Variants in GRIK4 observed in about 807,000 individuals in gnomAD.
The protein encoded by GRIK4 is glutamate receptor ionotropic, kainate 4.
A neutral mutation model predicts 104.9 loss-of-function variants in GRIK4; 40 were observed. That is an observed-to-expected ratio of 0.38 (90% CI 0.30 to 0.50). GRIK4 has a LOEUF of 0.50. Among genes scored for constraint, GRIK4 ranks in the 20% least tolerant of loss-of-function variants. The pLI is 0.93. For missense variants in GRIK4, 1,047 were observed against 1,308.1 expected, an observed-to-expected ratio of 0.80 and a Z score of 3.08; for synonymous variants, 485 against 524.9, an observed-to-expected ratio of 0.92 and a Z score of 1.04.
intron 11 of GRIK4, among the ~76,000 whole-genome samples, chr11:120,888,165 C>A (rs1417666028): frequency 6.6e-6 from 1 of 152,152 alleles, no homozygotes; most frequent in Non-Finnish European, 1.5e-5. Flanking sequence ...ACGCTTGTGG[C>A]AAATGCCAAT....
chr11:120,824,060 G>A (rs1040379840), intron 6 of GRIK4, among the ~76,000 whole-genome samples: 2 of 152,236 alleles, frequency 1.3e-5, no homozygotes, highest in Non-Finnish European at 2.9e-5. Flanking sequence ...GATACTGTGA[G>A]TAGAATTAGG....
intron 1 of GRIK4, among the ~76,000 whole-genome samples, chr11:120,557,310 C>T (rs7104138): frequency 0.019 from 2,862 of 152,286 alleles, 70 homozygotes; most frequent in African/African-American, 0.065. Flanking sequence ...GCTCTAGGTC[C>T]GCTGCCTTGG....
intron 1 of GRIK4, among the ~76,000 whole-genome samples, chr11:120,566,728 G>T: frequency 7.0e-6 from 1 of 143,352 alleles, no homozygotes. Flanking sequence ...TTTTTGAGAC[G>T]GCGTCTCACT....
intron 9 of GRIK4, among the ~76,000 whole-genome samples, chr11:120,862,652 G>A (rs1021133261): frequency 3.9e-5 from 6 of 152,094 alleles, no homozygotes; most frequent in African/African-American, 1.4e-4. Context: ...CATCCAGAAT[G>A]GCTCCCTTCT....
intron 1 of GRIK4, among the ~76,000 whole-genome samples, chr11:120,646,731 T>A (rs1435558900): frequency 6.6e-6 from 1 of 152,114 alleles, no homozygotes; most frequent in Non-Finnish European, 1.5e-5. Context: ...GTCAGACATA[T>A]CCTAGAACAT....
chr11:120,678,428 A>G lies in GRIK4; in HGVS notation c.82+18028A>G, dbSNP rs1268897963. 3.9e-5 allele frequency among the ~76,000 whole-genome samples: 6 copies of G among 152,288 alleles called. No homozygotes were observed. The South Asian group carries it at 6.2e-4, about 16-fold the overall frequency. ...ATTAGATTCCAAATGATGTTTAACC[A>G]GGAATCATATGGCAGTGATCTTTGA... is the stretch of plus-strand genomic sequence containing the variant. On this transcript the variant is annotated intron_variant, in intron 3 of 20. Coordinates refer to ENST00000527524, the MANE Select transcript of GRIK4 (RefSeq NM_014619.5).
At chr11:120,568,131 T>C (rs540049689) in intron 1 of GRIK4, among the ~76,000 whole-genome samples, 1 of 152,274 alleles carries the variant, frequency 6.6e-6, no homozygotes, top group African/African-American at 2.4e-5. Flanking sequence ...TAAGCTATTA[T>C]TGCACCACTG....
chr11:120,753,496 G>A lies in GRIK4; in HGVS notation c.83-49197G>A, dbSNP rs150917913. Among the ~76,000 whole-genome samples the A allele has an allele frequency of 1.1e-3, 161 of 152,126 alleles. 1 individual carries two copies. Among genetic ancestry groups the A allele is most frequent in the African/African-American group, 3.8e-3 (156 of 41,498 alleles). On this transcript the variant is annotated intron_variant, in intron 3 of 20. Coordinates refer to ENST00000527524, the MANE Select transcript of GRIK4 (RefSeq NM_014619.5). ...TTCAGTTTCCTTTTCTGTAAAATTG[G>A]GATCATGCGTATCCCAACAAGTCCT...
At position 120,528,377 on chromosome 11, in the gene GRIK4, C is replaced by T. The variant is rs541503020; in HGVS notation, c.-159+16490C>T. Among the ~76,000 whole-genome samples, 30 of 152,314 alleles carry T rather than the reference C, an allele frequency of 2.0e-4. 1 individual carries two copies. In the South Asian group the frequency reaches 4.1e-3, roughly 21 times the overall value. On this transcript the variant is annotated intron_variant, in intron 1 of 20. Coordinates refer to ENST00000527524, the MANE Select transcript of GRIK4 (RefSeq NM_014619.5). ...CTGCCCGCCTTGGCCTCCCAAAGTG[C>T]TGGGATTACAGGCATGAGCCACCAA... is the stretch of plus-strand genomic sequence containing the variant.
chr11:120,516,954 T>C (rs1428341014), intron 1 of GRIK4, among the ~76,000 whole-genome samples: 3 of 149,706 alleles, frequency 2.0e-5, no homozygotes, highest in Non-Finnish European at 3.0e-5. Flanking sequence ...CTGTCTAGTC[T>C]TGTGCAGGAA....
chr11:120,753,407 A>G (rs1212194543), intron 3 of GRIK4, among the ~76,000 whole-genome samples: 1 of 151,858 alleles, frequency 6.6e-6, no homozygotes, highest in African/African-American at 2.4e-5. Flanking sequence ...AGGAGAGACT[A>G]GAACCTAATT....
intron 8 of GRIK4, among the ~76,000 whole-genome samples, chr11:120,848,843 A>G (rs1591987286): frequency 6.6e-6 from 1 of 152,114 alleles, no homozygotes; most frequent in Non-Finnish European, 1.5e-5. Flanking sequence ...TGGTTATCCA[A>G]GGTGAGGCAG....
intron 18 of GRIK4, among the ~76,000 whole-genome samples, chr11:120,964,102 A>G (rs1364131795): frequency 6.6e-6 from 1 of 151,820 alleles, no homozygotes; most frequent in African/African-American, 2.4e-5. Flanking sequence ...AGTGATTCTC[A>G]TACCTCAGCC....
chr11:120,832,071 A>C (rs1347603438), intron 7 of GRIK4, 41 bp downstream of exon 7: 117 of 1,364,940 alleles, frequency 8.6e-5, no homozygotes, highest in African/African-American at 1.4e-4. Context: ...GCTGAGCTCC[A>C]CCCTCCCCCC....
intron 1 of GRIK4, among the ~76,000 whole-genome samples, chr11:120,648,553 G>A (rs114103252): frequency 7.0e-4 from 106 of 152,322 alleles, no homozygotes; most frequent in African/African-American, 2.4e-3. Context: ...CCCAGGCTCA[G>A]CACTGAGCTC....
At chr11:120,540,821 A>G (rs1379661167) in intron 1 of GRIK4, among the ~76,000 whole-genome samples, 2 of 151,362 alleles carry the variant, frequency 1.3e-5, no homozygotes, top group South Asian at 2.1e-4. Flanking sequence ...CTCAAAAAAT[A>G]TCAAGAACAG....
Position 120,986,012 on chromosome 11 carries a change from A to ATCCCC in GRIK4, c.2624_2628dup (p.Glu877SerfsTer180). 2 of 1,528,242 alleles carry ATCCCC rather than the reference A, an allele frequency of 1.3e-6. No homozygotes were observed. The highest frequency in any genetic ancestry group is 1.8e-6 in the Non-Finnish European group (2 of 1,138,602). 94.7% of individuals were successfully genotyped at this position (1,528,242 alleles called of 1,614,324 possible). ...CGCAGTCCCGCCGCCCCGGCCCCCC[A>ATCCCC]TCCCCGAGGAGCGCCGACCGCGGGG... On this transcript the variant is annotated frameshift_variant, in exon 21 of 21. Transcript: ENST00000527524. LOFTEE classifies it high-confidence loss of function.
At chr11:120,882,829 G>A (rs765019851) in intron 11 of GRIK4, among the ~76,000 whole-genome samples, 9 of 152,184 alleles carry the variant, frequency 5.9e-5, no homozygotes, top group East Asian at 1.9e-4. Context: ...GAGTCCCCTC[G>A]TCTGCACTGG....
intron 1 of GRIK4, among the ~76,000 whole-genome samples, chr11:120,577,862 G>T (rs762156464): frequency 6.6e-6 from 1 of 152,130 alleles, no homozygotes; most frequent in Admixed American, 6.5e-5. Flanking sequence ...CAGCATCTAC[G>T]CAGCCACAAG....
Sources: allele counts gnomAD v4.1 joint callset (sites outside exome capture counted in the v4.1 genomes callset), GRCh38; gene constraint gnomAD v4.1.1; transcripts MANE v1.5; gene names NCBI Gene and HGNC (gene_info 2026-07-23, HGNC 2026-07-21).